Variants in CCDC7 observed in about 807,000 individuals in gnomAD.
CCDC7 encodes coiled-coil domain-containing protein 7.
CCDC7 carries 183 observed loss-of-function variants against 196.9 expected under a neutral mutation model. That is an observed-to-expected ratio of 0.93 (90% confidence interval 0.82 to 1.05). The LOEUF is 1.05. CCDC7 is among the 50% of genes least tolerant of loss of function. The pLI, the probability that CCDC7 is intolerant of heterozygous loss-of-function variation, is 0.00. For synonymous variants in CCDC7, 525 were observed against 484.6 expected (o/e 1.08, Z -1.10); for missense variants, 1,540 against 1,482.2 (o/e 1.04, Z -0.64).
chr10:32,476,589 G>A (rs893201490), intron 8 of CCDC7, among the ~76,000 whole-genome samples: 1 of 113,570 alleles, frequency 8.8e-6, no homozygotes, highest in African/African-American at 2.6e-5. Flanking sequence ...GAGCATGACT[G>A]CTAAGTCATA....
chr10:32,479,516 T>A (rs2039585187), intron 8 of CCDC7, among the ~76,000 whole-genome samples: 1 of 152,210 alleles, frequency 6.6e-6, no homozygotes, highest in African/African-American at 2.4e-5. Flanking sequence ...TCACATTTAT[T>A]TGCATATTTT....
intron 28 of CCDC7, among the ~76,000 whole-genome samples, chr10:32,746,272 G>T (rs1443913180): frequency 4.6e-5 from 7 of 152,182 alleles, no homozygotes; most frequent in South Asian, 4.1e-4. Flanking sequence ...AGAAATTTTT[G>T]GGGAAAGGGT....
At chr10:32,448,274 AG>A (rs751743135), upstream of CCDC7, among the ~76,000 whole-genome samples, 45 of 152,010 alleles carry the variant, frequency 3.0e-4, no homozygotes, top group Non-Finnish European at 5.9e-4. Context: ...GACATATTTA[AG>A]GGCATGTATC....
chr10:32,761,064 C>T (rs953378187), intron 28 of CCDC7, among the ~76,000 whole-genome samples: 1 of 151,982 alleles, frequency 6.6e-6, no homozygotes, highest in Non-Finnish European at 1.5e-5. Flanking sequence ...ATTTTATTCT[C>T]TAAAAGTAAC....
chr10:32,851,740 G>T, intron 39 of CCDC7, 67 bp from the exon 41 acceptor site: 1 of 1,418,066 alleles, frequency 7.1e-7, no homozygotes, highest in Middle Eastern at 1.8e-4. Flanking sequence ...TATATACTGT[G>T]TGAGTATTAA....
chr10:32,591,453 C>T (rs207470780), intron 18 of CCDC7, among the ~76,000 whole-genome samples: 1 of 151,886 alleles, frequency 6.6e-6, no homozygotes, highest in South Asian at 2.1e-4. Context: ...GGATTATTGG[C>T]ATCAAAATGG....
intron 21 of CCDC7, among the ~76,000 whole-genome samples, chr10:32,665,254 C>T (rs567058441): frequency 3.9e-5 from 6 of 152,086 alleles, no homozygotes; most frequent in Non-Finnish European, 5.9e-5. Flanking sequence ...TTCTCTCATG[C>T]AATAGGCTAT....
chr10:32,725,525 T>C (rs1361054847), intron 25 of CCDC7: 5 of 405,394 alleles, frequency 1.2e-5, no homozygotes, highest in Non-Finnish European at 2.4e-5. Flanking sequence ...ATTGTGTTCA[T>C]GCATTTTGTA....
At chr10:32,803,179 C>A (rs2085146074) in intron 29 of CCDC7, among the ~76,000 whole-genome samples, 1 of 152,188 alleles carries the variant, frequency 6.6e-6, no homozygotes. Flanking sequence ...TGCACTTGAT[C>A]TTAGCCAAAA....
intron 13 of CCDC7, among the ~76,000 whole-genome samples, chr10:32,560,048 G>A (rs935061483): frequency 4.6e-5 from 7 of 152,208 alleles, no homozygotes; most frequent in Non-Finnish European, 1.0e-4. Flanking sequence ...GAGCCGATGT[G>A]ATCAACTGGA....
intron 5 of CCDC7, among the ~76,000 whole-genome samples, chr10:32,468,697 C>T (rs901799697): frequency 2.5e-4 from 38 of 152,044 alleles, no homozygotes; most frequent in Non-Finnish European, 1.0e-4. Flanking sequence ...AAATGTCAGC[C>T]AAGATACCTG....
chr10:32,484,916 A>G (rs2134240334), intron 8 of CCDC7, among the ~76,000 whole-genome samples: 1 of 152,146 alleles, frequency 6.6e-6, no homozygotes, highest in East Asian at 1.9e-4. Context: ...TTTACTGAGG[A>G]TTTTTGCATC....
chr10:32,534,214 G>A (rs187223413), intron 11 of CCDC7, among the ~76,000 whole-genome samples: 6 of 152,078 alleles, frequency 3.9e-5, no homozygotes, highest in Admixed American at 3.9e-4. Flanking sequence ...CTTCAGTTCA[G>A]CAAATGTATT....
At chr10:32,615,151 G>A (rs1438227973) in intron 18 of CCDC7, among the ~76,000 whole-genome samples, 1 of 152,062 alleles carries the variant, frequency 6.6e-6, no homozygotes, top group African/African-American at 2.4e-5. Context: ...TACAAGTGCA[G>A]TTATCTTTTT....
At chr10:32,587,026 G>A (rs558062507) in intron 18 of CCDC7, among the ~76,000 whole-genome samples, 1 of 152,210 alleles carries the variant, frequency 6.6e-6, no homozygotes, top group African/African-American at 2.4e-5. Flanking sequence ...AAGTTGAACT[G>A]AATTAATCTA....
chr10:32,583,112 A>C, exon 17 of CCDC7: 2 of 1,231,490 alleles, frequency 1.6e-6, no homozygotes, highest in Non-Finnish European at 2.0e-6. Flanking sequence ...CAGCATTTTT[A>C]GAGAGTTCAA....
At chr10:32,726,674 A>G (rs563533939) in intron 25 of CCDC7, 60 bp from the exon 27 acceptor site, 3 of 941,392 alleles carry the variant, frequency 3.2e-6, no homozygotes, top group South Asian at 1.6e-5. Context: ...AGATTTCACA[A>G]TAGATTTGTT....
At chr10:32,669,972 A>T (rs774369609) in intron 21 of CCDC7, among the ~76,000 whole-genome samples, 1 of 152,132 alleles carries the variant, frequency 6.6e-6, no homozygotes, top group African/African-American at 2.4e-5. Flanking sequence ...GTGAGCATGG[A>T]GTCAATCCAG....
intron 20 of CCDC7, among the ~76,000 whole-genome samples, chr10:32,661,783 C>G (rs574689944): frequency 3.3e-5 from 5 of 152,312 alleles, no homozygotes; most frequent in South Asian, 2.1e-4. Flanking sequence ...ATTCATCCCT[C>G]TCTTCTCCTC....
Sources: gnomAD v4.1 joint callset for allele counts (sites outside exome capture counted in the v4.1 genomes callset) on GRCh38, gnomAD v4.1.1 for gene constraint, MANE v1.5 for transcripts, NCBI Gene and HGNC (gene_info 2026-07-23, HGNC 2026-07-21) for gene names.